RYR2: variants seen among roughly 807,000 people sequenced by gnomAD.
RYR2 encodes ryanodine receptor 2, also known as cardiac muscle ryanodine receptor-calcium release channel.
In RYR2, 227 loss-of-function variants were observed where a neutral mutation model predicts 601.1. That is an observed-to-expected ratio of 0.38 (90% CI 0.34 to 0.42). RYR2 has a LOEUF of 0.42. Among genes scored for constraint, RYR2 ranks in the 10% least tolerant of loss-of-function variants. The pLI is 1.00. For synonymous variants in RYR2, 2,223 were observed against 2,175.1 expected, an observed-to-expected ratio of 1.02 and a Z score of -0.61; for missense variants, 4,646 against 6,156.5, an observed-to-expected ratio of 0.75 and a Z score of 8.21.
chr1:237,092,062 G>A (rs1028975619), intron 1 of RYR2, among the ~76,000 whole-genome samples: 8 of 152,054 alleles, frequency 5.3e-5, no homozygotes, highest in Admixed American at 3.9e-4. Flanking sequence ...TTTGACATAC[G>A]GATACAGCTG....
intron 37 of RYR2, among the ~76,000 whole-genome samples, chr1:237,616,819 T>C (rs1678522692): frequency 6.6e-6 from 1 of 152,160 alleles, no homozygotes; most frequent in African/African-American, 2.4e-5. Context: ...TGGGGAGGCC[T>C]CACAATCCTG....
At chr1:237,721,320 A>T (rs942454992) in intron 73 of RYR2, among the ~76,000 whole-genome samples, 2 of 152,164 alleles carry the variant, frequency 1.3e-5, no homozygotes, top group Admixed American at 1.3e-4. Context: ...TTTACAAATC[A>T]TTTATCCCTA....
At chr1:237,445,332 C>A in intron 13 of RYR2, 69 bp from the exon 14 acceptor site, 2 of 1,591,380 alleles carry the variant, frequency 1.3e-6, no homozygotes, top group Non-Finnish European at 1.7e-6. Flanking sequence ...TGTTTGAGTA[C>A]ACATCTCCCT....
intron 91 of RYR2, among the ~76,000 whole-genome samples, chr1:237,786,795 T>C (rs988826928): frequency 1.3e-5 from 2 of 152,218 alleles, no homozygotes; most frequent in Non-Finnish European, 2.9e-5. Context: ...TATTCTCCCA[T>C]AGCATTGAAA....
At chr1:237,695,781 A>C (rs1687371313) in intron 63 of RYR2, among the ~76,000 whole-genome samples, 1 of 152,212 alleles carries the variant, frequency 6.6e-6, no homozygotes, top group South Asian at 2.1e-4. Context: ...AAATTAAAAT[A>C]TTGAAGACTC....
chr1:237,718,742 AAT>A (rs1689465869), intron 73 of RYR2, among the ~76,000 whole-genome samples: 1 of 152,164 alleles, frequency 6.6e-6, no homozygotes, highest in African/African-American at 2.4e-5. Flanking sequence ...TTTTGGAAAA[AAT>A]ATATGTCATC....
chr1:237,298,380 A>T (rs548786166), intron 2 of RYR2, among the ~76,000 whole-genome samples: 1 of 152,208 alleles, frequency 6.6e-6, no homozygotes, highest in African/African-American at 2.4e-5. Flanking sequence ...ATTTATCAGC[A>T]TATAGATTTT....
chr1:237,215,482 A>G (rs982324068), intron 1 of RYR2, among the ~76,000 whole-genome samples: 1 of 152,140 alleles, frequency 6.6e-6, no homozygotes, highest in Non-Finnish European at 1.5e-5. Context: ...ATTTGACTTC[A>G]TATTTCCTTT....
Position 237,825,522 on chromosome 1 carries a change from G to A in RYR2, c.14591-2859G>A, listed in dbSNP as rs547052345. Among the ~76,000 whole-genome samples, 15 of 152,130 alleles carry A rather than the reference G, an allele frequency of 9.9e-5. No individual in the cohort carries two copies. In the East Asian group the frequency reaches 2.5e-3, roughly 25 times the overall value. ...CTTATACAAAAATTGACTCAAGATC[G>A]ATTAAAGACTTAAACATAAGACCTA... On this transcript the variant is annotated intron_variant, in intron 101 of 104. Coordinates refer to ENST00000366574, the MANE Select transcript of RYR2 (RefSeq NM_001035.3).
chr1:237,788,689 C>G (rs1302327370), intron 92 of RYR2, among the ~76,000 whole-genome samples: 1 of 152,148 alleles, frequency 6.6e-6, no homozygotes, highest in Non-Finnish European at 1.5e-5. Flanking sequence ...ATAAGAAGGT[C>G]TATTCAAAAT....
At chr1:237,282,498 C>T (rs1181683132) in intron 2 of RYR2, among the ~76,000 whole-genome samples, 1 of 152,036 alleles carries the variant, frequency 6.6e-6, no homozygotes, top group Non-Finnish European at 1.5e-5. Flanking sequence ...CCAGCTCTAA[C>T]ATATGGAAAG....
intron 1 of RYR2, among the ~76,000 whole-genome samples, chr1:237,253,354 C>A (rs1449225188): frequency 6.6e-6 from 1 of 152,178 alleles, no homozygotes; most frequent in Admixed American, 6.5e-5. Flanking sequence ...GAACCTGGTT[C>A]TGATTTGGCT....
rs186987667 is a variant in RYR2, at chr1:237,462,015, G to A, written c.1612+5280G>A. Among the ~76,000 whole-genome samples, 17 of 152,178 alleles carry A rather than the reference G, an allele frequency of 1.1e-4. No homozygotes were observed. In the East Asian group the frequency reaches 3.3e-3, roughly 29 times the overall value. On this transcript the variant is annotated intron_variant, in intron 16 of 104. Coordinates refer to ENST00000366574, the MANE Select transcript of RYR2 (RefSeq NM_001035.3). ...TTGAATTCATTGTAATCATAAGATAGCCACATATACCTAAATATATACTTC... is the reference window on the plus strand; with the variant it reads ...TTGAATTCATTGTAATCATAAGATAACCACATATACCTAAATATATACTTC...
intron 46 of RYR2, 90 bp from the exon 47 acceptor site, chr1:237,640,807 A>G: frequency 1.0e-6 from 1 of 976,642 alleles, no homozygotes; most frequent in Non-Finnish European, 1.6e-6. Flanking sequence ...TGTGTTACCT[A>G]GTAGTCCCTT....
intron 10 of RYR2, among the ~76,000 whole-genome samples, chr1:237,413,444 G>A (rs1704632535): frequency 6.6e-6 from 1 of 152,080 alleles, no homozygotes; most frequent in Non-Finnish European, 1.5e-5. Flanking sequence ...AGTTGTCAAA[G>A]TAAACCATTT....
chr1:237,411,931 T>C (rs1353232666), intron 10 of RYR2, among the ~76,000 whole-genome samples: 3 of 152,172 alleles, frequency 2.0e-5, no homozygotes, highest in Non-Finnish European at 2.9e-5. Context: ...CAATCTTTCA[T>C]TAATAATGTA....
At chr1:237,522,992 TA>T (rs56371731) in intron 24 of RYR2, among the ~76,000 whole-genome samples, 13,847 of 142,040 alleles carry the variant, frequency 0.097, 720 homozygotes, top group Middle Eastern at 0.2. Context: ...TCAGCAGACT[TA>T]AAAAAAAAAT....
chr1:237,445,596 T>C, intron 14 of RYR2, 74 bp downstream of exon 14: 1 of 1,564,380 alleles, frequency 6.4e-7, no homozygotes, highest in South Asian at 1.1e-5. Context: ...AAATAGACAA[T>C]TTAAAAGTAT....
At chr1:237,234,590 T>A (rs113205009) in intron 1 of RYR2, among the ~76,000 whole-genome samples, 33 of 152,244 alleles carry the variant, frequency 2.2e-4, no homozygotes, top group African/African-American at 7.7e-4. Flanking sequence ...GGGAATGAGT[T>A]AAAATATGTA....
Sources: gnomAD v4.1 joint callset for allele counts (sites outside exome capture counted in the v4.1 genomes callset) on GRCh38, gnomAD v4.1.1 for gene constraint, MANE v1.5 for transcripts, NCBI Gene and HGNC (gene_info 2026-07-23, HGNC 2026-07-21) for gene names.